Variants in CELF6 observed in about 807,000 individuals in gnomAD.
CELF6 encodes the protein CUGBP Elav-like family member 6, also known as Bruno -like 6, RNA binding protein.
Under a neutral mutation model 53.1 loss-of-function variants are expected in CELF6, and 32 were observed. That is an observed-to-expected ratio of 0.60 (90% CI 0.46 to 0.81). The LOEUF is 0.81. CELF6 is among the 30% of genes least tolerant of loss of function. CELF6 has a pLI of 0.00. For synonymous variants in CELF6, 291 were observed against 288.8 expected, an observed-to-expected ratio of 1.01 and a Z score of -0.08; for missense variants, 539 against 669.5, an observed-to-expected ratio of 0.81 and a Z score of 2.15.
chr15:72,305,777 C>T (rs2088219389), intron 2 of CELF6, among the ~76,000 whole-genome samples: 1 of 152,268 alleles, frequency 6.6e-6, no homozygotes, highest in Non-Finnish European at 1.5e-5. Context: ...AGCCATGTTA[C>T]CAGCTGCCTG....
Position 72,319,542 on chromosome 15 carries a change from G to GGGGCT in CELF6, c.262+66_262+70dup. On this transcript the variant is annotated intron_variant, in intron 1 of 12. Coordinates refer to ENST00000287202, the MANE Select transcript of CELF6 (RefSeq NM_052840.5). This position sits in a 1 kb window ranked among gnomAD's most constrained non-coding sequence, Gnocchi z 5.0. The stretch of plus-strand genomic sequence containing the variant: ...ACTGGCTCTCGGCAGGGCTAGGGCT[G>GGGGCT]GGGCTGGGCTGGGGTCGGGCCACAC... The GGGGCT allele has an allele frequency of 1.4e-6, 2 of 1,468,436 alleles. No individual in the cohort carries two copies. Among genetic ancestry groups the GGGGCT allele is most frequent in the South Asian group, 1.4e-5 (1 of 73,606 alleles). The allele number at this position is 1,468,436 out of a possible 1,614,324, so 91.0% of individuals were successfully genotyped here.
At chr15:72,314,535 G>A (rs1283892356) in intron 2 of CELF6, among the ~76,000 whole-genome samples, 1 of 150,162 alleles carries the variant, frequency 6.7e-6, no homozygotes, top group Admixed American at 6.6e-5. Context: ...ACACAGAACT[G>A]ATAAATGGCA....
intron 3 of CELF6, among the ~76,000 whole-genome samples, chr15:72,292,798 T>G (rs1595776572): frequency 6.6e-6 from 1 of 152,138 alleles, no homozygotes; most frequent in East Asian, 1.9e-4. Flanking sequence ...GAGGCCAAGG[T>G]GGGCTGATCA....
chr15:72,314,514 C>T (rs1349801793), intron 2 of CELF6, among the ~76,000 whole-genome samples: 1 of 151,284 alleles, frequency 6.6e-6, no homozygotes, highest in African/African-American at 2.4e-5. Flanking sequence ...GTCCAAGTAA[C>T]GTGCCCAGAG....
chr15:72,287,299 A>G lies in CELF6; in HGVS notation c.1412T>C (p.Leu471Pro). ...QIGMKRLKVQ[L>P]KRPKDANRPY ...CCGGTTGGCATCCTTGGGCCGCTTT[A>G]GCTGGACCTTGAGCCTCTTCATGCC... The change falls in exon 12 of 13, where the codon CTA becomes CCA. Residue 471 changes from leucine (L) to proline (P), a missense_variant. Around this residue, in one of 3 missense-constraint regions of CELF6, gnomAD observed 358 missense variants for 412.8 expected, o/e 0.87. Coordinates refer to ENST00000287202, the MANE Select transcript of CELF6 (RefSeq NM_052840.5). 1 of 1,614,176 alleles carries G rather than the reference A, an allele frequency of 6.2e-7. No individual in the cohort carries two copies. Among genetic ancestry groups the G allele is most frequent in the African/African-American group, 1.3e-5 (1 of 75,056 alleles).
chr15:72,291,141 T>G (rs1344717707), intron 3 of CELF6, among the ~76,000 whole-genome samples: 2 of 152,190 alleles, frequency 1.3e-5, no homozygotes, highest in African/African-American at 4.8e-5. Flanking sequence ...AGAACCAGTC[T>G]GATTCCTCCC....
At chr15:72,298,917 G>A (rs539550654) in intron 3 of CELF6, among the ~76,000 whole-genome samples, 95 of 152,206 alleles carry the variant, frequency 6.2e-4, no homozygotes, top group Middle Eastern at 6.8e-3. Flanking sequence ...TTAAAAATAC[G>A]TGAACCTAGG....
In CELF6 at chr15:72,302,954, G is replaced by A. The variant is rs2088177737; in HGVS notation, c.394+1792C>T. Among the ~76,000 whole-genome samples the A allele has an allele frequency of 2.0e-5, 3 of 152,342 alleles. No homozygotes were observed. The South Asian group carries it at 6.2e-4, about 32-fold the overall frequency. On this transcript the variant is annotated intron_variant, in intron 3 of 12. Coordinates refer to ENST00000287202, the MANE Select transcript of CELF6 (RefSeq NM_052840.5). ...TCCCCTTGAAAGCAGTGATCACACT[G>A]AATTGTGTTCCCTTGTTTACTTGTC...
intron 1 of CELF6, among the ~76,000 whole-genome samples, chr15:72,317,532 G>A (rs2088377286): frequency 6.6e-6 from 1 of 152,158 alleles, no homozygotes; most frequent in African/African-American, 2.4e-5. Context: ...GGCAGGATTT[G>A]GAATGTCTTA....
chr15:72,306,036 G>A (rs1239210988), intron 2 of CELF6: 2 of 968,968 alleles, frequency 2.1e-6, no homozygotes, highest in Non-Finnish European at 2.5e-6. Flanking sequence ...TTAAGTTGGG[G>A]TATTGCATAA....
intron 3 of CELF6, among the ~76,000 whole-genome samples, chr15:72,293,511 G>C (rs1244985210): frequency 6.6e-6 from 1 of 152,132 alleles, no homozygotes; most frequent in African/African-American, 2.4e-5. Flanking sequence ...TCCCATGAGT[G>C]GTGGGTAGTA....
intron 2 of CELF6, among the ~76,000 whole-genome samples, chr15:72,306,519 C>G (rs1260563824): frequency 1.2e-5 from 1 of 84,298 alleles, no homozygotes; most frequent in South Asian, 4.3e-4. Flanking sequence ...TCCTTTGGAT[C>G]AAATTTGGGG....
At chr15:72,314,030 G>C (rs2088331580) in intron 2 of CELF6, among the ~76,000 whole-genome samples, 1 of 152,182 alleles carries the variant, frequency 6.6e-6, no homozygotes, top group Non-Finnish European at 1.5e-5. Context: ...GGTGGGCCTG[G>C]ATCCACACCC....
intron 1 of CELF6, among the ~76,000 whole-genome samples, chr15:72,316,897 C>A (rs2088370751): frequency 6.6e-6 from 1 of 152,160 alleles, no homozygotes; most frequent in African/African-American, 2.4e-5. Context: ...TCATGAGGGA[C>A]CCCTAAACAA....
At position 72,288,484 on chromosome 15, in the gene CELF6, A is replaced by G. The variant is rs1240824381; in HGVS notation, c.1175-33T>C. Reference sequence around the variant, plus strand: ...AACAGTAGCAAGCTGGTTCAGGGGAAGGACCCTGAGTCCAGCCCCACCAGG... The same window carrying G: ...AACAGTAGCAAGCTGGTTCAGGGGAGGGACCCTGAGTCCAGCCCCACCAGG... On this transcript the variant is annotated intron_variant, in intron 10 of 12. Coordinates refer to ENST00000287202, the MANE Select transcript of CELF6 (RefSeq NM_052840.5). This position sits in a 1 kb window ranked among gnomAD's most constrained non-coding sequence, Gnocchi z 4.6. 2 of 1,613,562 alleles carry G rather than the reference A, an allele frequency of 1.2e-6. No homozygotes were observed. Among genetic ancestry groups the G allele is most frequent in the African/African-American group, 2.7e-5 (2 of 74,940 alleles).
At chr15:72,310,401 C>T (rs892429711) in intron 2 of CELF6, among the ~76,000 whole-genome samples, 1 of 152,160 alleles carries the variant, frequency 6.6e-6, no homozygotes, top group Non-Finnish European at 1.5e-5. Flanking sequence ...AATCTAACCT[C>T]TTATCTCCTT....
At chr15:72,292,064 G>A in intron 3 of CELF6, 6 of 620,794 alleles carry the variant, frequency 9.7e-6, no homozygotes, top group Middle Eastern at 2.6e-4. Flanking sequence ...ATATTAGGAT[G>A]AAGCTCAAAA....
In CELF6 at chr15:72,288,412, T is replaced by A; in HGVS notation, c.1214A>T (p.Gln405Leu). ...TATGAGTTCCGCATCACCAAACTCC[T>A]GAGGCAGGTGATAGATGAAGAGGTT... is the stretch of plus-strand genomic sequence containing the variant. ...GCNLFIYHLP[Q>L]EFGDAELIQT... Residue 405 changes from glutamine (Q) to leucine (L), a missense_variant, in exon 11 of 13, where the codon CAG becomes CTG. Physicochemically the swap from Gln to Leu is moderately radical, Grantham distance 113. Transcript: ENST00000287202. The surrounding 1 kb of genome is among the most constrained non-coding windows in gnomAD (Gnocchi z 4.6). 1 of 1,614,128 alleles carries A rather than the reference T, an allele frequency of 6.2e-7. No homozygotes were observed. The highest frequency in any genetic ancestry group is 8.5e-7 in the Non-Finnish European group (1 of 1,179,978).
rs1340302896 is a variant in CELF6 at position 72,288,731 on chromosome 15, C to CAGAA, written c.1094-114_1094-113insTTCT. On this transcript the variant is annotated intron_variant, in intron 9 of 12. Coordinates refer to ENST00000287202, the MANE Select transcript of CELF6 (RefSeq NM_052840.5). The surrounding 1 kb of genome is among the most constrained non-coding windows in gnomAD (Gnocchi z 4.6). Reference sequence around the variant, plus strand: ...AGCCCAGTCCACCATAACCCTCACCCCAAGAGAGGTCGTTCTGGGGGTAGG... The same window carrying CAGAA: ...AGCCCAGTCCACCATAACCCTCACCCAGAACAAGAGAGGTCGTTCTGGGGGTAGG... 1 of 1,376,522 alleles carries CAGAA rather than the reference C, an allele frequency of 7.3e-7. No individual in the cohort carries two copies. The highest frequency in any genetic ancestry group is 1.0e-6 in the Non-Finnish European group (1 of 985,068). The allele number at this position is 1,376,522 out of a possible 1,614,324, so 85.3% of individuals were successfully genotyped here. A position where few individuals can be genotyped will look rare whatever the true frequency, so the allele number is the denominator to read the frequency against.
Sources: gnomAD v4.1 joint callset for allele counts (sites outside exome capture counted in the v4.1 genomes callset) on GRCh38, gnomAD v4.1.1 for gene constraint, gnomAD v4.1.1 regional missense constraint, Gnocchi (gnomAD v3.1) non-coding constraint, MANE v1.5 for transcripts, NCBI Gene and HGNC (gene_info 2026-07-23, HGNC 2026-07-21) for gene names.